FAM135B: variants seen among roughly 807,000 people sequenced by gnomAD.
FAM135B encodes the protein protein FAM135B.
Under a neutral mutation model 127.7 loss-of-function variants are expected in FAM135B, and 43 were observed. That is an observed-to-expected ratio of 0.34 (90% CI 0.26 to 0.43). The LOEUF is 0.43. Ranked by LOEUF, FAM135B falls within the 20% of genes least tolerant of loss-of-function variation. FAM135B has a pLI of 1.00. For synonymous variants in FAM135B, 670 were observed against 665.1 expected, an observed-to-expected ratio of 1.01 and a Z score of -0.11; for missense variants, 1,558 against 1,725.6, an observed-to-expected ratio of 0.90 and a Z score of 1.72.
chr8:138,245,673 A>AATC (rs1821222855), intron 6 of FAM135B, among the ~76,000 whole-genome samples: 1 of 152,226 alleles, frequency 6.6e-6, no homozygotes, highest in African/African-American at 2.4e-5. Context: ...AGAATGGACT[A>AATC]ATACAGTAAA....
chr8:138,360,859 T>TA lies in FAM135B; in HGVS notation c.77+7047dup, dbSNP rs1334688316. Among the ~76,000 whole-genome samples, 4 of 151,878 alleles carry TA rather than the reference T, an allele frequency of 2.6e-5. No individual in the cohort carries two copies. In the East Asian group the frequency reaches 7.7e-4, roughly 29 times the overall value. ...GGGAACATATTAAAACACGGTCTCC[T>TA]AAGCCCCTCAACCAGAGATGATTCT... On this transcript the variant is annotated intron_variant, in intron 2 of 19. Coordinates refer to ENST00000395297, the MANE Select transcript of FAM135B (RefSeq NM_015912.4).
intron 1 of FAM135B, among the ~76,000 whole-genome samples, chr8:138,380,090 G>A (rs1439444429): frequency 1.3e-5 from 2 of 152,194 alleles, no homozygotes; most frequent in African/African-American, 4.8e-5. Flanking sequence ...ATCACATGAA[G>A]GCATCAGCAG....
intron 3 of FAM135B, among the ~76,000 whole-genome samples, chr8:138,305,967 T>A (rs1436513614): frequency 6.6e-6 from 1 of 152,218 alleles, no homozygotes; most frequent in Non-Finnish European, 1.5e-5. Context: ...ATATGTTATG[T>A]CTTATGATTA....
intron 3 of FAM135B, among the ~76,000 whole-genome samples, chr8:138,301,706 C>T (rs146798332): frequency 6.6e-6 from 1 of 152,352 alleles, no homozygotes; most frequent in African/African-American, 2.4e-5. Context: ...TCACCTTCCT[C>T]ATGAAAGATT....
rs2130562476 is a variant in FAM135B, at chr8:138,138,972, G to C, written c.3901+14C>G. 1 of 1,527,854 alleles carries C rather than the reference G, an allele frequency of 6.5e-7. No homozygotes were observed. The allele number at this position is 1,527,854 out of a possible 1,614,324, so 94.6% of individuals were successfully genotyped here. ...CTCAAACTCATAACTGCAGCTGTGGGGGAAACCACTGACCTGTTTTTTGGC... is the reference window on the plus strand; with the variant it reads ...CTCAAACTCATAACTGCAGCTGTGGCGGAAACCACTGACCTGTTTTTTGGC... On this transcript the variant is annotated intron_variant, in intron 18 of 19. Transcript: ENST00000395297.
intron 7 of FAM135B, among the ~76,000 whole-genome samples, chr8:138,227,766 G>A (rs905150068): frequency 1.9e-4 from 25 of 129,652 alleles, no homozygotes; most frequent in African/African-American, 6.7e-4. Context: ...TTGTTTTTTG[G>A]TAAGACCACT....
chr8:138,384,004 CT>C (rs1338804666), intron 1 of FAM135B, among the ~76,000 whole-genome samples: 2 of 152,208 alleles, frequency 1.3e-5, no homozygotes, highest in Non-Finnish European at 2.9e-5. Context: ...CTGTTCTCCC[CT>C]GTTTTGGAAT....
intron 7 of FAM135B, among the ~76,000 whole-genome samples, chr8:138,203,787 A>T (rs1257883542): frequency 6.6e-6 from 1 of 152,152 alleles, no homozygotes; most frequent in Admixed American, 6.6e-5. Context: ...ATTACATTGT[A>T]ATATACGATT....
At chr8:138,306,731 C>T (rs1826292667) in intron 3 of FAM135B, among the ~76,000 whole-genome samples, 1 of 152,030 alleles carries the variant, frequency 6.6e-6, no homozygotes, top group East Asian at 2.0e-4. Context: ...TACAGGTGTG[C>T]ACCACCACGC....
chr8:138,472,904 G>A (rs1837761823), intron 1 of FAM135B, among the ~76,000 whole-genome samples: 2 of 152,150 alleles, frequency 1.3e-5, no homozygotes. Context: ...TCAAGACCAA[G>A]AATGCATGTT....
intron 1 of FAM135B, among the ~76,000 whole-genome samples, chr8:138,407,559 G>A (rs927580529): frequency 6.6e-6 from 1 of 152,158 alleles, no homozygotes; most frequent in African/African-American, 2.4e-5. Flanking sequence ...CCAAAACAGT[G>A]ACATAGATCA....
intron 1 of FAM135B, among the ~76,000 whole-genome samples, chr8:138,373,105 G>A (rs1004343177): frequency 5.3e-5 from 8 of 152,152 alleles, no homozygotes; most frequent in Non-Finnish European, 1.2e-4. Flanking sequence ...AGAAGGTGAT[G>A]TCACAAAACC....
At chr8:138,457,681 C>T (rs1436372145) in intron 1 of FAM135B, among the ~76,000 whole-genome samples, 1 of 152,082 alleles carries the variant, frequency 6.6e-6, no homozygotes. Context: ...ATAAAAAGTA[C>T]ACATTTTTGC....
rs182837240 is a variant in FAM135B, at chr8:138,243,578, G to A, written c.543-510C>T. ...GACTGTCATAAGCCAGAAAGCACTC[G>A]CTGTGTCAACGCTAATTGGGAAGAC... On this transcript the variant is annotated intron_variant, in intron 6 of 19. Transcript: ENST00000395297. This position sits in a 1 kb window ranked among gnomAD's most constrained non-coding sequence, Gnocchi z 7.5. Among the ~76,000 whole-genome samples the A allele has an allele frequency of 4.5e-4, 69 of 152,278 alleles. No individual in the cohort carries two copies. Among genetic ancestry groups the A allele is most frequent in the East Asian group, 2.1e-3 (11 of 5,176 alleles).
chr8:138,149,145 A>G lies in FAM135B; in HGVS notation c.3282-459T>C, dbSNP rs943945255. 2.4e-3 allele frequency among the ~76,000 whole-genome samples: 364 copies of G among 150,894 alleles called. 3 individuals carry two copies. The highest frequency in any genetic ancestry group is 8.3e-3 in the African/African-American group (344 of 41,312). On this transcript the variant is annotated intron_variant, in intron 13 of 19. Transcript: ENST00000395297. ...AAAGTATAATAATAAAAAAATAAAT[A>G]AATAAATAAATAAATAAAATTTTAA...
intron 2 of FAM135B, among the ~76,000 whole-genome samples, chr8:138,361,715 C>G (rs1482696967): frequency 6.6e-6 from 1 of 152,174 alleles, no homozygotes. Flanking sequence ...CCCACTCTTA[C>G]TCTTCACTTT....
chr8:138,478,722 T>C (rs1814633261), intron 1 of FAM135B, among the ~76,000 whole-genome samples: 1 of 152,148 alleles, frequency 6.6e-6, no homozygotes, highest in South Asian at 2.1e-4. Flanking sequence ...ATGCTACAAA[T>C]AATAAGGGCC....
In FAM135B at chr8:138,348,127, C is replaced by CTTTTT. The variant is rs58289442; in HGVS notation, c.77+19775_77+19779dup. 6.7e-3 allele frequency among the ~76,000 whole-genome samples: 354 copies of CTTTTT among 52,810 alleles called. 10 individuals are homozygous for CTTTTT. Among genetic ancestry groups the CTTTTT allele is most frequent in the Non-Finnish European group, 7.6e-3 (242 of 31,780 alleles). The allele number at this position is 52,810 out of a possible 152,430, so 34.6% of individuals were successfully genotyped here. ...CAGATTAGTTCTTCTTTTTCCTCCT[C>CTTTTT]TTTTTTTTTTTTTTTTTTTTTTTTG... On this transcript the variant is annotated intron_variant, in intron 2 of 19. Coordinates refer to ENST00000395297, the MANE Select transcript of FAM135B (RefSeq NM_015912.4).
At position 138,404,392 on chromosome 8, in the gene FAM135B, G is replaced by T. The variant is rs112392623; in HGVS notation, c.-19-36390C>A. Among the ~76,000 whole-genome samples the T allele has an allele frequency of 2.5e-3, 378 of 152,220 alleles. 3 individuals carry two copies. The highest frequency in any genetic ancestry group is 8.6e-3 in the African/African-American group (358 of 41,544). ...TGGAGAGTCTTGCCTCAATGTTGAT[G>T]GCTGCTGACTGATCGGGGTAATAGT... On this transcript the variant is annotated intron_variant, in intron 1 of 19. Transcript: ENST00000395297.
Sources: allele counts gnomAD v4.1 joint callset (sites outside exome capture counted in the v4.1 genomes callset), GRCh38; gene constraint gnomAD v4.1.1; non-coding constraint Gnocchi (gnomAD v3.1); transcripts MANE v1.5; gene names NCBI Gene and HGNC (gene_info 2026-07-23, HGNC 2026-07-21).